SBF2: variants seen among roughly 807,000 people sequenced by gnomAD.
SBF2 encodes myotubularin-related protein 13.
A neutral mutation model predicts 225.2 loss-of-function variants in SBF2; 112 were observed. The observed-to-expected ratio is 0.50, with a 90% CI of 0.43 to 0.58. The LOEUF is 0.58. Ranked by LOEUF, SBF2 falls within the 20% of genes least tolerant of loss-of-function variation. SBF2 has a pLI of 0.00. For missense variants in SBF2, 1,996 were observed against 2,206.2 expected, an observed-to-expected ratio of 0.90 and a Z score of 1.91; for synonymous variants, 763 against 773.3, an observed-to-expected ratio of 0.99 and a Z score of 0.22.
intron 14 of SBF2, among the ~76,000 whole-genome samples, chr11:9,965,881 G>A (rs1337960215): frequency 6.6e-6 from 1 of 152,024 alleles, no homozygotes; most frequent in Non-Finnish European, 1.5e-5. Context: ...TGTGGGCTCT[G>A]GTGCTTCCCA....
intron 1 of SBF2, among the ~76,000 whole-genome samples, chr11:10,214,232 A>T (rs994269007): frequency 1.3e-5 from 2 of 152,114 alleles, no homozygotes; most frequent in African/African-American, 4.8e-5. Context: ...CCCAGTTCTG[A>T]TAACTAAAAA....
chr11:10,176,513 C>T (rs1956470965), intron 2 of SBF2, among the ~76,000 whole-genome samples: 1 of 151,840 alleles, frequency 6.6e-6, no homozygotes, highest in Admixed American at 6.6e-5. Context: ...GGGGATATCA[C>T]CACCGATCCC....
intron 17 of SBF2, among the ~76,000 whole-genome samples, chr11:9,863,637 C>T (rs1222974202): frequency 6.6e-6 from 1 of 152,044 alleles, no homozygotes; most frequent in Non-Finnish European, 1.5e-5. Context: ...AATTGGGAGT[C>T]TTTCTTTTGC....
intron 32 of SBF2, among the ~76,000 whole-genome samples, chr11:9,796,963 G>A (rs896834197): frequency 6.6e-6 from 1 of 152,170 alleles, no homozygotes; most frequent in African/African-American, 2.4e-5. Flanking sequence ...ATGACCCTGT[G>A]ACACTCCCTA....
chr11:10,184,491 TAAC>T (rs1321668304), intron 2 of SBF2, among the ~76,000 whole-genome samples: 2 of 152,206 alleles, frequency 1.3e-5, no homozygotes, highest in East Asian at 1.9e-4. Context: ...TTTATCATCT[TAAC>T]AATCTTAAGT....
At chr11:10,175,003 TGAAG>T (rs1956391039) in intron 2 of SBF2, among the ~76,000 whole-genome samples, 1 of 151,786 alleles carries the variant, frequency 6.6e-6, no homozygotes, top group Admixed American at 6.6e-5. Flanking sequence ...AAAGAGCTCC[TGAAG>T]GAAGCGCTAA....
At chr11:10,148,749 CA>C (rs57160066) in intron 2 of SBF2, among the ~76,000 whole-genome samples, 179 of 138,882 alleles carry the variant, frequency 1.3e-3, no homozygotes, top group African/African-American at 3.2e-3. Flanking sequence ...TTTAGAAATG[CA>C]AAAAAAAAAA....
At chr11:9,906,947 A>G (rs1014472918) in intron 16 of SBF2, among the ~76,000 whole-genome samples, 1 of 152,232 alleles carries the variant, frequency 6.6e-6, no homozygotes, top group African/African-American at 2.4e-5. Flanking sequence ...TGTTGCCAAC[A>G]TTCCAGTTTG....
At chr11:10,169,989 A>C (rs1230927500) in intron 2 of SBF2, among the ~76,000 whole-genome samples, 1 of 152,168 alleles carries the variant, frequency 6.6e-6, no homozygotes, top group Non-Finnish European at 1.5e-5. Flanking sequence ...CCTTTGAGAA[A>C]TGTCTATTCA....
intron 33 of SBF2, among the ~76,000 whole-genome samples, chr11:9,795,182 T>C (rs1853044901): frequency 6.6e-6 from 1 of 152,194 alleles, no homozygotes; most frequent in Non-Finnish European, 1.5e-5. Flanking sequence ...ACAACTATCA[T>C]TGCTATTAAA....
chr11:9,973,675 C>T (rs1483893862), intron 13 of SBF2, among the ~76,000 whole-genome samples: 1 of 152,078 alleles, frequency 6.6e-6, no homozygotes. Flanking sequence ...CCCTGCAGCA[C>T]GCCCAGCTAC....
At chr11:9,810,875 G>T (rs766137793) in intron 30 of SBF2, 4 of 152,128 alleles carry the variant, frequency 2.6e-5, no homozygotes, top group Non-Finnish European at 4.4e-5. Context: ...ATACCCAAAG[G>T]AATATAAATT....
intron 1 of SBF2, among the ~76,000 whole-genome samples, chr11:10,231,477 T>C (rs550045091): frequency 6.6e-6 from 1 of 152,196 alleles, no homozygotes; most frequent in East Asian, 1.9e-4. Context: ...GATGTACAGA[T>C]GGGTTTTTGG....
At chr11:10,020,721 G>C (rs1948822268) in intron 6 of SBF2, among the ~76,000 whole-genome samples, 1 of 152,024 alleles carries the variant, frequency 6.6e-6, no homozygotes, top group African/African-American at 2.4e-5. Context: ...TAATCACATA[G>C]TATCACAGAG....
At chr11:10,253,364 G>C (rs1960557803) in intron 1 of SBF2, among the ~76,000 whole-genome samples, 1 of 152,078 alleles carries the variant, frequency 6.6e-6, no homozygotes, top group Non-Finnish European at 1.5e-5. Flanking sequence ...TTTTCTTTTT[G>C]GGAGGAGATG....
At chr11:9,835,088 G>A (rs1855650465) in intron 26 of SBF2, among the ~76,000 whole-genome samples, 1 of 152,120 alleles carries the variant, frequency 6.6e-6, no homozygotes, top group African/African-American at 2.4e-5. Context: ...CAATTTCCCT[G>A]CCACCCATCC....
intron 1 of SBF2, among the ~76,000 whole-genome samples, chr11:10,257,900 T>A (rs1961010372): frequency 6.6e-6 from 1 of 151,740 alleles, no homozygotes; most frequent in Admixed American, 6.6e-5. Flanking sequence ...GAGGTTGCAG[T>A]GAAACGAGAT....
At chr11:10,049,029 C>A (rs1236150180) in intron 2 of SBF2, among the ~76,000 whole-genome samples, 1 of 152,176 alleles carries the variant, frequency 6.6e-6, no homozygotes, top group Non-Finnish European at 1.5e-5. Flanking sequence ...CTACTAAATA[C>A]TCCTTCCTCT....
chr11:9,915,276 A>G (rs1385829154), intron 16 of SBF2, among the ~76,000 whole-genome samples: 2 of 151,942 alleles, frequency 1.3e-5, no homozygotes, highest in Non-Finnish European at 2.9e-5. Flanking sequence ...GTGAAACCCT[A>G]TCTCTACTAA....
Sources: gnomAD v4.1 joint callset for allele counts (sites outside exome capture counted in the v4.1 genomes callset) on GRCh38, gnomAD v4.1.1 for gene constraint, MANE v1.5 for transcripts, NCBI Gene and HGNC (gene_info 2026-07-23, HGNC 2026-07-21) for gene names.